ALKBH8: variants seen among roughly 807,000 people sequenced by gnomAD.
ALKBH8 encodes the protein tRNA (carboxymethyluridine(34)-5-O)-methyltransferase ALKBH8.
Under a neutral mutation model 59.8 loss-of-function variants are expected in ALKBH8, and 36 were observed. The ratio of observed to expected loss-of-function variants is 0.60; its 90% CI spans 0.46 to 0.79. The LOEUF is 0.79. Ranked by LOEUF, ALKBH8 falls within the 30% of genes least tolerant of loss-of-function variation. The pLI is 0.00. For missense variants in ALKBH8, 768 were observed against 801.0 expected, an observed-to-expected ratio of 0.96 and a Z score of 0.50; for synonymous variants, 276 against 273.6, an observed-to-expected ratio of 1.01 and a Z score of -0.09.
At position 107,505,185 on chromosome 11, in the gene ALKBH8, C is replaced by A. The variant is rs565048041; in HGVS notation, c.1468G>T (p.Val490Phe). 1 of 1,547,230 alleles carries A rather than the reference C, an allele frequency of 6.5e-7. No homozygotes were observed. The highest frequency in any genetic ancestry group is 1.2e-5 in the South Asian group (1 of 83,602). ...TTCCCACCTGGTCTCAGGAGTCGAACAATTTCTTGGAGAGCTGCCACTCTA... is the reference window on the plus strand; with the variant it reads ...TTCCCACCTGGTCTCAGGAGTCGAAAAATTTCTTGGAGAGCTGCCACTCTA... The part of the protein sequence containing the change: ...ERRVAALQEI[V>F]RLLRPGGKAL... The change falls in exon 12 of 12, where the codon GTT becomes TTT. Residue 490 changes from valine (V) to phenylalanine (F), a missense_variant. Coordinates refer to ENST00000428149, the MANE Select transcript of ALKBH8 (RefSeq NM_138775.3).
At chr11:107,524,085 T>A (rs1863248278) in intron 9 of ALKBH8, among the ~76,000 whole-genome samples, 1 of 152,064 alleles carries the variant, frequency 6.6e-6, no homozygotes, top group Non-Finnish European at 1.5e-5. Flanking sequence ...TGAGACAGGG[T>A]CTTGCTCTGT....
intron 8 of ALKBH8, among the ~76,000 whole-genome samples, chr11:107,531,457 G>A (rs1156412077): frequency 6.6e-6 from 1 of 152,108 alleles, no homozygotes; most frequent in Non-Finnish European, 1.5e-5. Flanking sequence ...CTCCTCAAAA[G>A]AGTCAATGTT....
intron 9 of ALKBH8, among the ~76,000 whole-genome samples, chr11:107,523,536 G>A (rs947026114): frequency 2.0e-5 from 3 of 151,486 alleles, no homozygotes; most frequent in Non-Finnish European, 1.5e-5. Flanking sequence ...GGGATCTAGT[G>A]TAAAACATGT....
intron 1 of ALKBH8, among the ~76,000 whole-genome samples, chr11:107,563,385 A>T (rs1487063835): frequency 6.6e-6 from 1 of 152,190 alleles, no homozygotes; most frequent in Non-Finnish European, 1.5e-5. Context: ...TTCCAGGTTC[A>T]AATCTCAGCT....
rs1209740344 is a variant in ALKBH8, at chr11:107,502,850, T to C, written c.*1808A>G. ...TCAAAGCCATACTATATTCTTACAC[T>C]ATCCTATGATGTATACAAATATACT... On this transcript the variant is annotated 3_prime_UTR_variant, in exon 12 of 12. Transcript: ENST00000428149. The C allele has an allele frequency of 6.6e-6, 1 of 152,252 alleles. No homozygotes were observed. The highest frequency in any genetic ancestry group is 2.1e-4 in the South Asian group (1 of 4,836). The allele number at this position is 152,252 out of a possible 1,614,324, so 9.4% of individuals were successfully genotyped here. A position where few individuals can be genotyped will look rare whatever the true frequency, so the allele number is the denominator to read the frequency against.
chr11:107,510,414 G>A (rs780142003), intron 11 of ALKBH8, among the ~76,000 whole-genome samples: 3 of 151,930 alleles, frequency 2.0e-5, no homozygotes, highest in Admixed American at 6.6e-5. Flanking sequence ...AAAAAGAACA[G>A]GAAAGGAAGA....
chr11:107,555,393 T>A (rs1288910345), intron 3 of ALKBH8, among the ~76,000 whole-genome samples: 1 of 151,728 alleles, frequency 6.6e-6, no homozygotes, highest in Non-Finnish European at 1.5e-5. Context: ...TAAAGAGCAC[T>A]CCAAAACTTA....
At chr11:107,514,061 A>T (rs929291871) in intron 10 of ALKBH8, among the ~76,000 whole-genome samples, 1 of 152,134 alleles carries the variant, frequency 6.6e-6, no homozygotes, top group African/African-American at 2.4e-5. Flanking sequence ...TAAAAAAAAA[A>T]TTTAATCTGG....
chr11:107,503,386 A>G lies in ALKBH8; in HGVS notation c.*1272T>C, dbSNP rs1862253030. On this transcript the variant is annotated 3_prime_UTR_variant, in exon 12 of 12. Coordinates refer to ENST00000428149, the MANE Select transcript of ALKBH8 (RefSeq NM_138775.3). ...TCAAGATTAAGTATCACTAGCATTA[A>G]TAACAGTAAACATTAATTAAACAGA... is the stretch of plus-strand genomic sequence containing the variant. 6.6e-6 allele frequency: 1 copy of G among 152,178 alleles called. No individual in the cohort carries two copies. Among genetic ancestry groups the G allele is most frequent in the Non-Finnish European group, 1.5e-5 (1 of 68,032 alleles). 9.4% of individuals were successfully genotyped at this position (152,178 alleles called of 1,614,324 possible).
At chr11:107,559,888 T>A (rs927222828) in intron 2 of ALKBH8, among the ~76,000 whole-genome samples, 6 of 152,280 alleles carry the variant, frequency 3.9e-5, no homozygotes, top group African/African-American at 1.4e-4. Context: ...TTTTAATCCC[T>A]GCTCCACCTT....
intron 10 of ALKBH8, among the ~76,000 whole-genome samples, chr11:107,520,386 C>T (rs576949091): frequency 3.6e-4 from 55 of 152,254 alleles, no homozygotes; most frequent in African/African-American, 1.3e-3. Context: ...AGATTGTGTT[C>T]GTTTTCTGTT....
At position 107,504,603 on chromosome 11, in the gene ALKBH8, TC is replaced by T. The variant is rs1211677211; in HGVS notation, c.*54del. Reference sequence around the variant, plus strand: ...TTAAAAGGGTAATTAATTTATTCTCTCTTTTTTTTTAAGTGAGCATTTCTTC... The same window carrying T: ...TTAAAAGGGTAATTAATTTATTCTCTTTTTTTTTTAAGTGAGCATTTCTTC... On this transcript the variant is annotated 3_prime_UTR_variant, in exon 12 of 12. Transcript: ENST00000428149. The T allele has an allele frequency of 2.0e-6, 3 of 1,515,138 alleles. No homozygotes were observed. Among genetic ancestry groups the T allele is most frequent in the African/African-American group, 2.8e-5 (2 of 71,244 alleles). 93.9% of individuals were successfully genotyped at this position (1,515,138 alleles called of 1,614,324 possible). A position where few individuals can be genotyped will look rare whatever the true frequency, so the allele number is the denominator to read the frequency against.
chr11:107,549,125 AC>A (rs1290793384), intron 7 of ALKBH8, among the ~76,000 whole-genome samples: 1 of 152,204 alleles, frequency 6.6e-6, no homozygotes, highest in East Asian at 1.9e-4. Context: ...TGCTGGGATT[AC>A]AGGCATAAGC....
intron 10 of ALKBH8, among the ~76,000 whole-genome samples, chr11:107,520,758 T>C (rs562319250): frequency 6.6e-6 from 1 of 152,316 alleles, no homozygotes; most frequent in African/African-American, 2.4e-5. Flanking sequence ...CAATGTCTTA[T>C]CTTGATGAAA....
chr11:107,563,888 C>T (rs957543336), intron 1 of ALKBH8, among the ~76,000 whole-genome samples: 25 of 152,262 alleles, frequency 1.6e-4, no homozygotes, highest in African/African-American at 5.8e-4. Context: ...TATTATTGCA[C>T]GTGAAGAAAG....
intron 8 of ALKBH8, among the ~76,000 whole-genome samples, chr11:107,530,513 A>ATCTC (rs373443146): frequency 6.8e-6 from 1 of 147,732 alleles, no homozygotes; most frequent in Non-Finnish European, 1.5e-5. Flanking sequence ...ATCATTGGTT[A>ATCTC]TCTCTCTCTC....
intron 10 of ALKBH8, among the ~76,000 whole-genome samples, chr11:107,512,165 A>C (rs1326468813): frequency 6.6e-6 from 1 of 152,026 alleles, no homozygotes; most frequent in African/African-American, 2.4e-5. Flanking sequence ...TAGTTGTTGT[A>C]CACAGTTTTG....
chr11:107,529,117 T>C (rs1417725798), intron 8 of ALKBH8, among the ~76,000 whole-genome samples: 2 of 152,248 alleles, frequency 1.3e-5, no homozygotes, highest in African/African-American at 4.8e-5. Flanking sequence ...GCCTGGCTTC[T>C]GATCCTGGCT....
intron 2 of ALKBH8, among the ~76,000 whole-genome samples, chr11:107,557,526 C>T (rs888231888): frequency 1.3e-5 from 2 of 152,032 alleles, no homozygotes; most frequent in Non-Finnish European, 2.9e-5. Context: ...TATTTCTGTC[C>T]GTTTCCAGGA....
Sources: allele counts gnomAD v4.1 joint callset (sites outside exome capture counted in the v4.1 genomes callset), GRCh38; gene constraint gnomAD v4.1.1; transcripts MANE v1.5; gene names NCBI Gene and HGNC (gene_info 2026-07-23, HGNC 2026-07-21).